The following MDGA1 variants were observed in gnomAD, a reference collection of about 807,000 sequenced individuals.
MDGA1 encodes MAM domain containing glycosylphosphatidylinositol anchor 1.
A neutral mutation model predicts 101.5 loss-of-function variants in MDGA1; 54 were observed. That is an observed-to-expected ratio of 0.53 (90% confidence interval 0.43 to 0.67). The LOEUF (loss-of-function observed/expected upper bound fraction) is 0.67. MDGA1 is among the 30% of genes least tolerant of loss of function. The pLI is 0.00. For synonymous variants in MDGA1, 533 were observed against 558.3 expected, an observed-to-expected ratio of 0.95 and a Z score of 0.64; for missense variants, 1,083 against 1,323.8, an observed-to-expected ratio of 0.82 and a Z score of 2.82.
At chr6:37,683,559 G>A (rs940089590) in intron 1 of MDGA1, among the ~76,000 whole-genome samples, 1 of 152,236 alleles carries the variant, frequency 6.6e-6, no homozygotes, top group Non-Finnish European at 1.5e-5. Flanking sequence ...TAGAGCTTGC[G>A]CTGCCTGTGT....
At chr6:37,680,858 G>A (rs999706361) in intron 1 of MDGA1, among the ~76,000 whole-genome samples, 8 of 152,350 alleles carry the variant, frequency 5.3e-5, no homozygotes, top group African/African-American at 1.9e-4. Context: ...CAGTGCCTGG[G>A]AGAGAGGCTC....
In MDGA1 at chr6:37,649,048, T is replaced by G; in HGVS notation, c.1828A>C (p.Ser610Arg). The G allele has an allele frequency of 6.5e-7, 1 of 1,545,206 alleles. No individual in the cohort carries two copies. Among genetic ancestry groups the G allele is most frequent in the Non-Finnish European group, 8.7e-7 (1 of 1,145,590 alleles). The change falls in exon 9 of 17, where the codon AGC (serine) becomes CGC (arginine). Residue 610 changes from serine to arginine, a missense_variant. Around this residue, in one of 3 missense-constraint regions of MDGA1, gnomAD observed 657 missense variants for 771.4 expected, o/e 0.85. Coordinates refer to ENST00000434837, the MANE Select transcript of MDGA1 (RefSeq NM_153487.4). ...LRLDAVTRDS[S>R]GSYECSVSND... ...GAGACGCTGCACTCGTAGCTGCCGC[T>G]GCTGTCGCGAGTTACGGCGTCGAGG... is the stretch of plus-strand genomic sequence containing the variant.
At chr6:37,695,154 G>A (rs1762390429) in intron 1 of MDGA1, among the ~76,000 whole-genome samples, 1 of 152,114 alleles carries the variant, frequency 6.6e-6, no homozygotes, top group Non-Finnish European at 1.5e-5. Flanking sequence ...AGGGTAGAGT[G>A]GAGGACAGCA....
At position 37,646,275 on chromosome 6, in the gene MDGA1, C is replaced by G; in HGVS notation, c.2147G>C (p.Ser716Thr). 6.2e-7 allele frequency: 1 copy of G among 1,605,810 alleles called. No individual in the cohort carries two copies. The highest frequency in any genetic ancestry group is 8.5e-7 in the Non-Finnish European group (1 of 1,175,868). The stretch of plus-strand genomic sequence containing the variant: ...ATAGGGTGTGAGGCGGACCTCATAG[C>G]TGTGGGGCACACGGAGATCGGTCAG... ...YILTDLRVPHSYEVRLTPYTT... is the reference protein window; with the variant it reads ...YILTDLRVPHTYEVRLTPYTT... Residue 716 changes from serine to threonine, a missense_variant, in exon 11 of 17, where the codon AGC (serine) becomes ACC (threonine). This residue lies in a region of MDGA1 where 657 missense variants were observed against 771.4 expected (regional missense o/e 0.85). Coordinates refer to ENST00000434837, the MANE Select transcript of MDGA1 (RefSeq NM_153487.4).
chr6:37,656,013 C>T, intron 3 of MDGA1, 117 bp from the exon 4 acceptor site: 1 of 807,918 alleles, frequency 1.2e-6, no homozygotes, highest in Non-Finnish European at 1.9e-6. Context: ...TTCCAGATTG[C>T]CAGATGCCCT....
At position 37,650,347 on chromosome 6, in the gene MDGA1, C is replaced by T. The variant is rs780772292; in HGVS notation, c.1371G>A (p.Ser457=). 1 of 1,577,124 alleles carries T rather than the reference C, an allele frequency of 6.3e-7. No individual in the cohort carries two copies. The highest frequency in any genetic ancestry group is 1.3e-5 in the African/African-American group (1 of 74,304). ...GCACCTCGCATTGCAGCTCGGCAGGCGATCCCTCGCGCACGGTCACCACGG... is the reference window on the plus strand; with the variant it reads ...GCACCTCGCATTGCAGCTCGGCAGGTGATCCCTCGCGCACGGTCACCACGG... The part of the protein sequence containing the change: ...GRAVVTVREG[S]PAELQCEVRG... The change falls in exon 8 of 17, where the codon TCG becomes TCA. Residue 457 remains serine (S), a synonymous_variant. Transcript: ENST00000434837.
At position 37,644,521 on chromosome 6, in the gene MDGA1, T is replaced by C. The variant is rs202167933; in HGVS notation, c.2377A>G (p.Thr793Ala). The change falls in exon 13 of 17, where the codon ACC becomes GCC. Residue 793 changes from threonine (T) to alanine (A), a missense_variant. By Grantham distance (58) the Thr-to-Ala change is moderately conservative. Coordinates refer to ENST00000434837, the MANE Select transcript of MDGA1 (RefSeq NM_153487.4). Reference protein sequence around the residue: ...PKRSPNTGPPTDISGTPEGYY... With the variant: ...PKRSPNTGPPADISGTPEGYY... ...CCCTCAGGGGTGCCACTTATGTCGG[T>C]GGGGGGACCAGTGTTGGGGGAGCGT... is the stretch of plus-strand genomic sequence containing the variant. The C allele has an allele frequency of 2.3e-4, 363 of 1,593,244 alleles. No individual in the cohort carries two copies. The highest frequency in any genetic ancestry group is 2.8e-4 in the Non-Finnish European group (323 of 1,170,270).
chr6:37,657,889 G>C (rs371573118), intron 3 of MDGA1, among the ~76,000 whole-genome samples: 1 of 152,088 alleles, frequency 6.6e-6, no homozygotes, highest in African/African-American at 2.4e-5. Flanking sequence ...GAAGGGCAGC[G>C]GACAATGGGG....
chr6:37,667,177 A>C (rs192585180), intron 1 of MDGA1, among the ~76,000 whole-genome samples: 5 of 152,224 alleles, frequency 3.3e-5, no homozygotes, highest in Non-Finnish European at 7.3e-5. Context: ...ACTGGGAGTG[A>C]CACAGGCTAT....
chr6:37,665,093 C>T (rs1012646411), intron 1 of MDGA1, among the ~76,000 whole-genome samples: 7 of 152,238 alleles, frequency 4.6e-5, no homozygotes, highest in African/African-American at 1.7e-4. Flanking sequence ...GGCTAGGGGA[C>T]CAAAGCTAGG....
Position 37,643,826 on chromosome 6 carries a change from A to G in MDGA1, c.2519T>C (p.Met840Thr), listed in dbSNP as rs965402583. The change falls in exon 14 of 17, where the codon ATG becomes ACG. Residue 840 changes from methionine to threonine, a missense_variant. Around this residue, in one of 3 missense-constraint regions of MDGA1, gnomAD observed 657 missense variants for 771.4 expected, o/e 0.85. Transcript: ENST00000434837. ...CAACTCACCGATGTGTTTCCCGTAC[A>G]TGTGGTAGAAGAAGGAGACACAGTA... is the stretch of plus-strand genomic sequence containing the variant. ...KFYCVSFFYH[M>T]YGKHIGSLNL... 1.2e-6 allele frequency: 2 copies of G among 1,613,940 alleles called. No homozygotes were observed. The highest frequency in any genetic ancestry group is 1.7e-6 in the Non-Finnish European group (2 of 1,179,856).
chr6:37,643,742 G>A, intron 14 of MDGA1, 67 bp downstream of exon 14: 2 of 1,595,252 alleles, frequency 1.3e-6, no homozygotes, highest in South Asian at 2.3e-5. Flanking sequence ...ATCGCCTCCT[G>A]TGGACCCCAC....
chr6:37,664,129 G>A (rs1037326982), intron 1 of MDGA1, 23 bp from the exon 2 acceptor site: 15 of 1,613,400 alleles, frequency 9.3e-6, no homozygotes, highest in Non-Finnish European at 1.2e-5. Context: ...GATGGAGGAG[G>A]AGGTTTAGAG....
chr6:37,696,610 G>A lies in MDGA1; in HGVS notation c.67+135C>T, dbSNP rs1252275612. The A allele has an allele frequency of 1.2e-6, 1 of 821,012 alleles. No homozygotes were observed. The allele number at this position is 821,012 out of a possible 1,614,324, so 50.9% of individuals were successfully genotyped here. ...TAGCTCGGTCTCCACGCGCCCTGGA[G>A]AGGGCGGGGACGCGGGCATCCACTC... is the stretch of plus-strand genomic sequence containing the variant. On this transcript the variant is annotated intron_variant, in intron 1 of 16. Transcript: ENST00000434837. This position sits in a 1 kb window ranked among gnomAD's most constrained non-coding sequence, Gnocchi z 5.6.
rs1416102825 is a variant in MDGA1, at chr6:37,635,293, C to T, written c.*2075G>A. On this transcript the variant is annotated 3_prime_UTR_variant, in exon 17 of 17. Transcript: ENST00000434837. ...TGGAGTGGTTTCCACACCAGGCTCA[C>T]TTGTGCTGGGCACGAGCGGGAGGTG... 1.8e-5 allele frequency: 7 copies of T among 396,824 alleles called. No individual in the cohort carries two copies. Among genetic ancestry groups the T allele is most frequent in the African/African-American group, 4.1e-5 (2 of 48,618 alleles). 24.6% of individuals were successfully genotyped at this position (396,824 alleles called of 1,614,324 possible). A position where few individuals can be genotyped will look rare whatever the true frequency, so the allele number is the denominator to read the frequency against.
Position 37,649,078 on chromosome 6 carries a change from G to C in MDGA1, c.1798C>G (p.Leu600Val), listed in dbSNP as rs1338165480. 2.6e-6 allele frequency: 4 copies of C among 1,531,522 alleles called. No individual in the cohort carries two copies. The highest frequency in any genetic ancestry group is 2.1e-5 in the Admixed American group (1 of 48,672). 94.9% of individuals were successfully genotyped at this position (1,531,522 alleles called of 1,614,324 possible). Residue 600 changes from leucine (L) to valine (V), a missense_variant, in exon 9 of 17, where the codon CTG (leucine) becomes GTG (valine). By Grantham distance (32) the Leu-to-Val change is conservative. This residue lies in a region of MDGA1 where 657 missense variants were observed against 771.4 expected (regional missense o/e 0.85). Transcript: ENST00000434837. ...AAAEAPDHAE[L>V]RLDAVTRDSS... ...TCGCGAGTTACGGCGTCGAGGCGCA[G>C]CTCCGCGTGATCCGGCGCCTCGGCG...
At chr6:37,653,460 A>C (rs553855591) in intron 6 of MDGA1, among the ~76,000 whole-genome samples, 1 of 152,340 alleles carries the variant, frequency 6.6e-6, no homozygotes, top group East Asian at 1.9e-4. Context: ...GGAGTTCGGC[A>C]GAAGCTGTAC....
In MDGA1 at chr6:37,646,348, C is replaced by A. The variant is rs1459930328; in HGVS notation, c.2074G>T (p.Ala692Ser). 3 of 1,561,024 alleles carry A rather than the reference C, an allele frequency of 1.9e-6. No individual in the cohort carries two copies. The highest frequency in any genetic ancestry group is 2.4e-5 in the South Asian group (2 of 82,276). Residue 692 changes from alanine (A) to serine (S), a missense_variant, in exon 11 of 17, where the codon GCC (alanine) becomes TCC (serine). Ala to Ser is a moderately conservative substitution (Grantham distance 99). Around this residue, in one of 3 missense-constraint regions of MDGA1, gnomAD observed 657 missense variants for 771.4 expected, o/e 0.85. Coordinates refer to ENST00000434837, the MANE Select transcript of MDGA1 (RefSeq NM_153487.4). The part of the protein sequence containing the change: ...QLNQHNAVVK[A>S]IPVRRVEKGQ... ...TTCTCCACACGCCGGACCGGGATGG[C>A]CTTGACCACCGCATTGTGCTGGTTC... is the stretch of plus-strand genomic sequence containing the variant.
At chr6:37,680,734 G>A (rs1762074665) in intron 1 of MDGA1, among the ~76,000 whole-genome samples, 1 of 152,230 alleles carries the variant, frequency 6.6e-6, no homozygotes, top group Non-Finnish European at 1.5e-5. Flanking sequence ...CTCCCCTCTG[G>A]GCCTCAGCAG....
Sources: gnomAD v4.1 joint callset for allele counts (sites outside exome capture counted in the v4.1 genomes callset) on GRCh38, gnomAD v4.1.1 for gene constraint, gnomAD v4.1.1 regional missense constraint, Gnocchi (gnomAD v3.1) non-coding constraint, MANE v1.5 for transcripts, NCBI Gene and HGNC (gene_info 2026-07-23, HGNC 2026-07-21) for gene names.